Variants in RAB4B observed in about 807,000 individuals in gnomAD.
RAB4B encodes the protein ras-related protein Rab-4B.
RAB4B carries 15 observed loss-of-function variants against 28.3 expected under a neutral mutation model. That is an observed-to-expected ratio of 0.53 (90% CI 0.35 to 0.82). The LOEUF (loss-of-function observed/expected upper bound fraction) is 0.82. Ranked by LOEUF, RAB4B falls within the 40% of genes least tolerant of loss-of-function variation. The pLI, the probability that RAB4B is intolerant of heterozygous loss-of-function variation, is 0.01. For synonymous variants in RAB4B, 108 were observed against 116.3 expected (o/e 0.93, Z 0.46); for missense variants, 244 against 288.5 (o/e 0.85, Z 1.12).
rs189621498 is a variant in RAB4B, at chr19:40,782,231, G to A, written c.213-1547G>A. On this transcript the variant is annotated intron_variant, in intron 3 of 7. Coordinates refer to ENST00000357052, the MANE Select transcript of RAB4B (RefSeq NM_016154.5). Reference sequence around the variant, plus strand: ...ATAGACAGGTGTGTAGCATGGGCTAGGTTTACGGTGAGTGCTTAGTAAATG... The same window carrying A: ...ATAGACAGGTGTGTAGCATGGGCTAAGTTTACGGTGAGTGCTTAGTAAATG... 2.4e-3 allele frequency among the ~76,000 whole-genome samples: 360 copies of A among 152,244 alleles called. 6 individuals are homozygous for A. The highest frequency in any genetic ancestry group is 2.7e-3 in the East Asian group (14 of 5,174).
chr19:40,791,773 T>C (rs571742303), intron 7 of RAB4B, among the ~76,000 whole-genome samples: 80 of 152,088 alleles, frequency 5.3e-4, no homozygotes, highest in African/African-American at 1.7e-3. Flanking sequence ...GCTGGGACTA[T>C]GGGCATGGGC....
chr19:40,784,840 C>CTTT (rs1182284828), intron 5 of RAB4B, among the ~76,000 whole-genome samples: 3 of 139,296 alleles, frequency 2.2e-5, no homozygotes, highest in Non-Finnish European at 3.1e-5. Flanking sequence ...GTGAAAGGCA[C>CTTT]TTTTTTTTTT....
At chr19:40,786,384 A>G (rs1031713559) in intron 5 of RAB4B, 2 of 411,224 alleles carry the variant, frequency 4.9e-6, no homozygotes, top group Non-Finnish European at 9.2e-6. Context: ...ATAGGGGGCC[A>G]CAAGAAGCTG....
At chr19:40,791,012 C>T (rs2083154400) in intron 7 of RAB4B, among the ~76,000 whole-genome samples, 2 of 151,868 alleles carry the variant, frequency 1.3e-5, no homozygotes, top group South Asian at 2.1e-4. Flanking sequence ...CGTGCCACCA[C>T]GTCTGGCTAA....
At chr19:40,785,081 G>A (rs1402105484) in intron 5 of RAB4B, among the ~76,000 whole-genome samples, 1 of 151,938 alleles carries the variant, frequency 6.6e-6, no homozygotes, top group Non-Finnish European at 1.5e-5. Context: ...CCAAAGTACT[G>A]GGATTACAGG....
intron 3 of RAB4B, among the ~76,000 whole-genome samples, chr19:40,782,876 C>T (rs951287317): frequency 7.2e-5 from 11 of 151,954 alleles, no homozygotes; most frequent in Admixed American, 5.9e-4. Flanking sequence ...CAGTGGCTCA[C>T]GCCTGTAATC....
At chr19:40,795,954 G>A (rs2083206021) in intron 7 of RAB4B, among the ~76,000 whole-genome samples, 1 of 151,984 alleles carries the variant, frequency 6.6e-6, no homozygotes, top group Non-Finnish European at 1.5e-5. Context: ...TGATCTGCCC[G>A]CCTCGGCCTC....
chr19:40,783,892 T>C, intron 4 of RAB4B, 29 bp from the exon 5 acceptor site: 1 of 1,589,380 alleles, frequency 6.3e-7, no homozygotes, highest in Non-Finnish European at 8.6e-7. Context: ...TCTCCTGCAC[T>C]GCCTCCCTCC....
intron 5 of RAB4B, among the ~76,000 whole-genome samples, chr19:40,785,214 G>A (rs17726276): frequency 0.42 from 63,904 of 151,576 alleles, 15,153 homozygotes; most frequent in Admixed American, 0.53. Context: ...CACACCAAAA[G>A]GTTTGCAAGG....
At chr19:40,778,436 G>A in intron 1 of RAB4B, 45 bp downstream of exon 1, 1 of 1,416,758 alleles carries the variant, frequency 7.1e-7, no homozygotes. Context: ...TGGGCCCAGG[G>A]AGGATGCGGC....
In RAB4B at chr19:40,786,990, G is replaced by A; in HGVS notation, c.*15+12G>A. On this transcript the variant is annotated intron_variant, in intron 7 of 7. Transcript: ENST00000357052. The stretch of plus-strand genomic sequence containing the variant: ...CTCTGTGGAGCCAGGTGGGACACTG[G>A]GGGCTTTAGGGAGGCAGGGCGGCCT... 1 of 1,607,314 alleles carries A rather than the reference G, an allele frequency of 6.2e-7. No individual in the cohort carries two copies.
chr19:40,787,023 A>G lies in RAB4B; in HGVS notation c.*15+45A>G. On this transcript the variant is annotated intron_variant, in intron 7 of 7. Coordinates refer to ENST00000357052, the MANE Select transcript of RAB4B (RefSeq NM_016154.5). The stretch of plus-strand genomic sequence containing the variant: ...AGGGAGGCAGGGCGGCCTCTTGGGC[A>G]TGGGGGAGATGGTGTGGAGATAGAC... 5 of 1,472,348 alleles carry G rather than the reference A, an allele frequency of 3.4e-6. No homozygotes were observed. In the South Asian group the frequency reaches 3.5e-5, roughly 10 times the overall value. The allele number at this position is 1,472,348 out of a possible 1,614,324, so 91.2% of individuals were successfully genotyped here.
rs1401783197 is a variant in RAB4B at position 40,796,831 on chromosome 19, GTCATT to G, written c.*279_*283del. The G allele has an allele frequency of 2.6e-5, 4 of 152,862 alleles. No homozygotes were observed. The highest frequency in any genetic ancestry group is 5.9e-5 in the Non-Finnish European group (4 of 68,218). The allele number at this position is 152,862 out of a possible 1,614,324, so 9.5% of individuals were successfully genotyped here. A position where few individuals can be genotyped will look rare whatever the true frequency, so the allele number is the denominator to read the frequency against. On this transcript the variant is annotated 3_prime_UTR_variant, in exon 8 of 8. Coordinates refer to ENST00000357052, the MANE Select transcript of RAB4B (RefSeq NM_016154.5). The stretch of plus-strand genomic sequence containing the variant: ...AGAGCTCCCAAAGCCTGAGACCAGG[GTCATT>G]TGTCCCCAACTCCCCATCTGGCCCT...
At chr19:40,787,079 T>A in intron 7 of RAB4B, 101 bp downstream of exon 7, 2 of 1,100,704 alleles carry the variant, frequency 1.8e-6, no homozygotes, top group South Asian at 1.4e-5. Flanking sequence ...AGAAACAGAG[T>A]GAGAGAAAGA....
rs139554427 is a variant in RAB4B, at chr19:40,788,617, T to C, written c.*15+1639T>C. On this transcript the variant is annotated intron_variant, in intron 7 of 7. Coordinates refer to ENST00000357052, the MANE Select transcript of RAB4B (RefSeq NM_016154.5). Reference sequence around the variant, plus strand: ...TTTTTTTTTCTTTGAGATGGGGTATTGCTCTGTTACCCAGGATGGAGTGCT... The same window carrying C: ...TTTTTTTTTCTTTGAGATGGGGTATCGCTCTGTTACCCAGGATGGAGTGCT... Among the ~76,000 whole-genome samples the C allele has an allele frequency of 3.8e-3, 568 of 150,154 alleles. 6 individuals carry two copies. Among genetic ancestry groups the C allele is most frequent in the African/African-American group, 0.013 (533 of 40,964 alleles).
At chr19:40,792,468 G>C (rs1276170163) in intron 7 of RAB4B, 1 of 152,216 alleles carries the variant, frequency 6.6e-6, no homozygotes, top group Non-Finnish European at 1.5e-5. Context: ...CTCTGTCCTA[G>C]AGAGTTTGCC....
At chr19:40,787,617 AG>A (rs35706651) in intron 7 of RAB4B, among the ~76,000 whole-genome samples, 2 of 143,106 alleles carry the variant, frequency 1.4e-5, no homozygotes, top group East Asian at 4.2e-4. Flanking sequence ...GGAGAGGCCC[AG>A]GGGGGTCAGG....
chr19:40,790,710 C>G (rs1230271958), intron 7 of RAB4B, among the ~76,000 whole-genome samples: 1 of 139,730 alleles, frequency 7.2e-6, no homozygotes, highest in Non-Finnish European at 1.5e-5. Flanking sequence ...TCTCACTCTG[C>G]TCACTCTGTC....
At chr19:40,779,755 AAAC>A (rs2083029399) in intron 1 of RAB4B, 1 of 827,270 alleles carries the variant, frequency 1.2e-6, no homozygotes, top group South Asian at 2.5e-5. Flanking sequence ...AAAAAAACAA[AAAC>A]AACGACAAAA....
Sources: gnomAD v4.1 joint callset for allele counts (sites outside exome capture counted in the v4.1 genomes callset) on GRCh38, gnomAD v4.1.1 for gene constraint, MANE v1.5 for transcripts, NCBI Gene and HGNC (gene_info 2026-07-23, HGNC 2026-07-21) for gene names.